ZNF385B: variants seen among roughly 807,000 people sequenced by gnomAD.
The protein encoded by ZNF385B is zinc finger protein 385B, also known as zinc finger protein 533.
Under a neutral mutation model 39.2 loss-of-function variants are expected in ZNF385B, and 23 were observed. The observed-to-expected ratio is 0.59, with a 90% confidence interval of 0.42 to 0.83. The LOEUF is 0.83. Among genes scored for constraint, ZNF385B ranks in the 40% least tolerant of loss-of-function variants. The pLI, the probability that ZNF385B is intolerant of heterozygous loss-of-function variation, is 0.00. For synonymous variants in ZNF385B, 205 were observed against 222.6 expected, an observed-to-expected ratio of 0.92 and a Z score of 0.70; for missense variants, 552 against 598.9, an observed-to-expected ratio of 0.92 and a Z score of 0.82.
At chr2:179,826,504 G>A (rs1403007637) in intron 1 of ZNF385B, among the ~76,000 whole-genome samples, 1 of 152,092 alleles carries the variant, frequency 6.6e-6, no homozygotes, top group African/African-American at 2.4e-5. Flanking sequence ...GTGAAGCAAA[G>A]AGGGCTATTG....
chr2:179,463,599 C>T (rs1179349222), intron 6 of ZNF385B, among the ~76,000 whole-genome samples: 3 of 151,862 alleles, frequency 2.0e-5, no homozygotes, highest in African/African-American at 4.8e-5. Flanking sequence ...TGAGAACATG[C>T]GGTGTTTGAT....
chr2:179,463,520 C>T (rs369679138), intron 6 of ZNF385B, among the ~76,000 whole-genome samples: 221 of 151,678 alleles, frequency 1.5e-3, no homozygotes, highest in African/African-American at 5.0e-3. Flanking sequence ...AACTCCCCAA[C>T]AGGCCCCAGA....
At chr2:179,493,434 T>C (rs1267795928) in intron 5 of ZNF385B, among the ~76,000 whole-genome samples, 5 of 151,600 alleles carry the variant, frequency 3.3e-5, no homozygotes, top group Non-Finnish European at 5.9e-5. Context: ...TACATATATG[T>C]ACGTATATGC....
intron 3 of ZNF385B, among the ~76,000 whole-genome samples, chr2:179,610,198 G>A (rs764890943): frequency 2.2e-4 from 33 of 151,932 alleles, no homozygotes; most frequent in Middle Eastern, 3.4e-3. Context: ...GGTTAAGGTC[G>A]TAGTCTTTAA....
At chr2:179,528,566 T>A (rs1344594258) in intron 4 of ZNF385B, among the ~76,000 whole-genome samples, 1 of 152,226 alleles carries the variant, frequency 6.6e-6, no homozygotes, top group Non-Finnish European at 1.5e-5. Context: ...AGTTACCAAA[T>A]GGTAAAAGTA....
intron 3 of ZNF385B, among the ~76,000 whole-genome samples, chr2:179,577,262 G>A (rs1398968402): frequency 6.6e-6 from 1 of 152,008 alleles, no homozygotes; most frequent in Non-Finnish European, 1.5e-5. Flanking sequence ...TAGGGAATAA[G>A]CCAAAACTAT....
At chr2:179,777,764 A>G (rs1704415567) in intron 1 of ZNF385B, among the ~76,000 whole-genome samples, 1 of 143,052 alleles carries the variant, frequency 7.0e-6, no homozygotes, top group African/African-American at 2.5e-5. Context: ...TCCTTATATC[A>G]AGAGGTTTTT....
chr2:179,579,257 CTTT>C (rs1363422056), intron 3 of ZNF385B, among the ~76,000 whole-genome samples: 1 of 152,064 alleles, frequency 6.6e-6, no homozygotes, highest in African/African-American at 2.4e-5. Flanking sequence ...GCAGCTAAAT[CTTT>C]GTTTCCTTAA....
chr2:179,652,607 C>G (rs1693294959), intron 3 of ZNF385B, among the ~76,000 whole-genome samples: 1 of 152,120 alleles, frequency 6.6e-6, no homozygotes, highest in Admixed American at 6.6e-5. Flanking sequence ...TTGCTAGTCC[C>G]TTGCTCTTGA....
intron 1 of ZNF385B, among the ~76,000 whole-genome samples, chr2:179,788,674 A>G (rs1294356613): frequency 1.3e-5 from 2 of 152,188 alleles, no homozygotes; most frequent in Non-Finnish European, 2.9e-5. Flanking sequence ...ACTCAATATC[A>G]GAGCAATTGA....
At chr2:179,623,752 G>T (rs1690420974) in intron 3 of ZNF385B, among the ~76,000 whole-genome samples, 1 of 152,078 alleles carries the variant, frequency 6.6e-6, no homozygotes. Flanking sequence ...CCTGAACCTG[G>T]TTCTGCAGGC....
chr2:179,586,659 T>C (rs564868608), intron 3 of ZNF385B, among the ~76,000 whole-genome samples: 36 of 152,338 alleles, frequency 2.4e-4, no homozygotes, highest in African/African-American at 8.4e-4. Flanking sequence ...AAGAAGGTTT[T>C]AATGTGAAAT....
chr2:179,747,172 T>C (rs2106462236), intron 3 of ZNF385B, among the ~76,000 whole-genome samples: 1 of 152,238 alleles, frequency 6.6e-6, no homozygotes, highest in African/African-American at 2.4e-5. Flanking sequence ...ATGAAACATC[T>C]GTGTAAAACT....
intron 3 of ZNF385B, among the ~76,000 whole-genome samples, chr2:179,724,451 T>A (rs1700879750): frequency 6.6e-6 from 1 of 152,214 alleles, no homozygotes; most frequent in Admixed American, 6.5e-5. Flanking sequence ...TTCTCAAAAA[T>A]ATTTTAGTTA....
intron 3 of ZNF385B, among the ~76,000 whole-genome samples, chr2:179,548,918 C>G (rs926558640): frequency 6.7e-6 from 1 of 149,496 alleles, no homozygotes; most frequent in African/African-American, 2.5e-5. Context: ...AGAACATTTT[C>G]ATGACATCTA....
chr2:179,844,889 C>T, intron 1 of ZNF385B, among the ~76,000 whole-genome samples: 1 of 152,156 alleles, frequency 6.6e-6, no homozygotes, highest in East Asian at 1.9e-4. Flanking sequence ...TGAGTGATAA[C>T]ATCTATAAAC....
At chr2:179,754,698 G>T (rs893848958) in intron 3 of ZNF385B, among the ~76,000 whole-genome samples, 1 of 152,126 alleles carries the variant, frequency 6.6e-6, no homozygotes, top group African/African-American at 2.4e-5. Flanking sequence ...ATTTCTTCTA[G>T]ATTTTCTAGT....
intron 3 of ZNF385B, among the ~76,000 whole-genome samples, chr2:179,752,698 T>C (rs1350918201): frequency 2.0e-5 from 3 of 152,134 alleles, no homozygotes; most frequent in Non-Finnish European, 4.4e-5. Context: ...ATGATGAGCA[T>C]TTTTTCATTT....
intron 3 of ZNF385B, among the ~76,000 whole-genome samples, chr2:179,758,734 G>T (rs1703193044): frequency 6.6e-6 from 1 of 152,110 alleles, no homozygotes; most frequent in Admixed American, 6.5e-5. Context: ...GAATTATCCA[G>T]CCTACAGCCA....
Sources: allele counts gnomAD v4.1 joint callset (sites outside exome capture counted in the v4.1 genomes callset), GRCh38; gene constraint gnomAD v4.1.1; transcripts MANE v1.5; gene names NCBI Gene and HGNC (gene_info 2026-07-23, HGNC 2026-07-21).